The following GLIS3 variants were observed in gnomAD, a reference collection of about 807,000 sequenced individuals.
GLIS3 encodes zinc finger protein GLIS3.
In GLIS3, 53 loss-of-function variants were observed where a neutral mutation model predicts 78.6. The ratio of observed to expected loss-of-function variants is 0.67; its 90% CI spans 0.54 to 0.85. The LOEUF (loss-of-function observed/expected upper bound fraction) is 0.85, where lower values mean the gene tolerates loss of function less well. Ranked by LOEUF, GLIS3 falls within the 40% of genes least tolerant of loss-of-function variation. The pLI, the probability that GLIS3 is intolerant of heterozygous loss-of-function variation, is 0.00. For missense variants in GLIS3, 1,703 were observed against 1,231.1 expected (o/e 1.38, Z -5.74); for synonymous variants, 684 against 509.9 (o/e 1.34, Z -4.60).
intron 4 of GLIS3, among the ~76,000 whole-genome samples, chr9:3,993,091 G>C (rs1230963645): frequency 6.6e-6 from 1 of 152,140 alleles, no homozygotes; most frequent in East Asian, 1.9e-4. Flanking sequence ...GGGGAAAAAG[G>C]TTTTTGCATT....
intron 4 of GLIS3, among the ~76,000 whole-genome samples, chr9:4,062,961 A>G (rs1826782374): frequency 6.6e-6 from 1 of 152,096 alleles, no homozygotes; most frequent in African/African-American, 2.4e-5. Flanking sequence ...TGAAGTACAC[A>G]GGAAGCACAG....
intron 4 of GLIS3, among the ~76,000 whole-genome samples, chr9:4,000,355 C>T (rs189843936): frequency 6.2e-4 from 94 of 152,004 alleles, no homozygotes; most frequent in Non-Finnish European, 9.4e-4. Context: ...ATTCTTAATA[C>T]AAAATGAAAA....
intron 4 of GLIS3, among the ~76,000 whole-genome samples, chr9:4,084,392 C>T (rs1245069675): frequency 6.6e-6 from 1 of 151,840 alleles, no homozygotes; most frequent in African/African-American, 2.4e-5. Context: ...AATGCATGCG[C>T]AAGGAGAGGA....
At chr9:3,907,520 T>C (rs532812686) in intron 6 of GLIS3, among the ~76,000 whole-genome samples, 3 of 152,140 alleles carry the variant, frequency 2.0e-5, no homozygotes, top group African/African-American at 7.2e-5. Context: ...CGATTAGCAA[T>C]GTGCTGCCGC....
intron 2 of GLIS3, among the ~76,000 whole-genome samples, chr9:4,275,327 G>C (rs1826883901): frequency 6.6e-6 from 1 of 152,158 alleles, no homozygotes; most frequent in African/African-American, 2.4e-5. Flanking sequence ...AATGGTTTGA[G>C]TTTTTAAAAG....
At chr9:3,982,651 T>C (rs1166609089) in intron 4 of GLIS3, among the ~76,000 whole-genome samples, 2 of 152,244 alleles carry the variant, frequency 1.3e-5, no homozygotes, top group South Asian at 2.1e-4. Flanking sequence ...TTTCTGTTTC[T>C]GGCCAGTCAG....
At chr9:4,306,994 C>G (rs1414161519) in intron 4 of GLIS3, among the ~76,000 whole-genome samples, 1 of 152,198 alleles carries the variant, frequency 6.6e-6, no homozygotes, top group Non-Finnish European at 1.5e-5. Context: ...TTCCTTCCAG[C>G]AAGAAGTGGA....
chr9:4,196,556 G>C (rs369412294), intron 2 of GLIS3, among the ~76,000 whole-genome samples: 1 of 152,180 alleles, frequency 6.6e-6, no homozygotes, highest in Admixed American at 6.5e-5. Flanking sequence ...AACCCACTGA[G>C]AGGAATGAAC....
upstream of GLIS3, among the ~76,000 whole-genome samples, chr9:4,300,207 T>TTC (rs1436253506): frequency 5.6e-5 from 3 of 53,936 alleles, no homozygotes; most frequent in African/African-American, 2.0e-4. Context: ...TCTTGACGCA[T>TTC]TCACACACAC....
At chr9:4,019,452 A>G (rs1205010171) in intron 4 of GLIS3, among the ~76,000 whole-genome samples, 3 of 152,184 alleles carry the variant, frequency 2.0e-5, no homozygotes, top group Admixed American at 6.5e-5. Flanking sequence ...CTCACACCAT[A>G]AATATGCTCA....
chr9:4,211,253 G>A (rs1454449355), intron 2 of GLIS3, among the ~76,000 whole-genome samples: 1 of 152,170 alleles, frequency 6.6e-6, no homozygotes, highest in Non-Finnish European at 1.5e-5. Flanking sequence ...ATTTGTTTAT[G>A]TAAGTTCAAG....
intron 6 of GLIS3, chr9:3,901,001 T>G (rs1823252291): frequency 6.6e-6 from 1 of 152,204 alleles, no homozygotes; most frequent in Admixed American, 6.5e-5. Flanking sequence ...TCCACCATTG[T>G]GATATGTTCC....
At chr9:4,193,569 G>C (rs778250267) in intron 2 of GLIS3, among the ~76,000 whole-genome samples, 2 of 152,220 alleles carry the variant, frequency 1.3e-5, no homozygotes, top group African/African-American at 4.8e-5. Context: ...GTGGTAACAG[G>C]AATGCAAAGG....
At chr9:4,431,436 T>C in the GLIS3 span, among the ~76,000 whole-genome samples, 1 of 149,820 alleles carries the variant, frequency 6.7e-6, no homozygotes, top group Admixed American at 6.6e-5. Context: ...GTAGATTGAC[T>C]GGATTGGGGA....
chr9:4,244,144 C>A lies in GLIS3; in HGVS notation c.388+41894G>T, dbSNP rs373036643. On this transcript the variant is annotated intron_variant, in intron 2 of 10. Transcript: ENST00000381971. ...TCCTTCAGGGCCACCTCAGCTCATC[C>A]GTACTCTGTACCTCTTTAGTGTTAC... 3.3e-5 allele frequency among the ~76,000 whole-genome samples: 5 copies of A among 152,298 alleles called. No homozygotes were observed. In the East Asian group the frequency reaches 5.8e-4, roughly 18 times the overall value.
intron 4 of GLIS3, among the ~76,000 whole-genome samples, chr9:4,108,944 G>A (rs59278931): frequency 6.6e-6 from 1 of 152,122 alleles, no homozygotes; most frequent in East Asian, 1.9e-4. Context: ...TGCTGCCAGA[G>A]AAAGAAGCTC....
intron 8 of GLIS3, among the ~76,000 whole-genome samples, chr9:3,867,969 A>C (rs1402922156): frequency 6.6e-6 from 1 of 152,236 alleles, no homozygotes; most frequent in East Asian, 1.9e-4. Flanking sequence ...ACATGGCACA[A>C]GGTGAGCCCC....
At chr9:4,298,950 C>A (rs762188491) in intron 1 of GLIS3, among the ~76,000 whole-genome samples, 28 of 152,170 alleles carry the variant, frequency 1.8e-4, no homozygotes, top group Non-Finnish European at 2.9e-4. Flanking sequence ...CCCGCGTGTG[C>A]GCGAGAGACC....
intron 4 of GLIS3, among the ~76,000 whole-genome samples, chr9:3,964,280 C>T (rs892871292): frequency 3.3e-5 from 5 of 152,272 alleles, no homozygotes; most frequent in East Asian, 1.9e-4. Flanking sequence ...ATTTAATTTT[C>T]GCCTGACAGC....
Sources: gnomAD v4.1 joint callset for allele counts (sites outside exome capture counted in the v4.1 genomes callset) on GRCh38, gnomAD v4.1.1 for gene constraint, MANE v1.5 for transcripts, NCBI Gene and HGNC (gene_info 2026-07-23, HGNC 2026-07-21) for gene names.